Variants in SLC25A12 observed in about 807,000 individuals in gnomAD.
SLC25A12 encodes solute carrier family 25 member 12.
Under a neutral mutation model 83.3 loss-of-function variants are expected in SLC25A12, and 32 were observed. That is an observed-to-expected ratio of 0.38 (90% confidence interval 0.29 to 0.52). The LOEUF (loss-of-function observed/expected upper bound fraction) is 0.52, where lower values mean the gene tolerates loss of function less well. Among genes scored for constraint, SLC25A12 ranks in the 20% least tolerant of loss-of-function variants. The pLI, the probability that SLC25A12 is intolerant of heterozygous loss-of-function variation, is 0.84. For missense variants in SLC25A12, 611 were observed against 835.6 expected (o/e 0.73, Z 3.31); for synonymous variants, 267 against 291.1 (o/e 0.92, Z 0.84).
chr2:171,829,056 G>A (rs1021334072), intron 8 of SLC25A12, among the ~76,000 whole-genome samples: 11 of 152,168 alleles, frequency 7.2e-5, no homozygotes, highest in Non-Finnish European at 1.2e-4. Context: ...AGACCTCTAT[G>A]GGCAACTCTC....
At chr2:171,837,044 C>T in intron 6 of SLC25A12, 77 bp downstream of exon 6, 1 of 1,407,528 alleles carries the variant, frequency 7.1e-7, no homozygotes, top group East Asian at 2.3e-5. Context: ...TCATATGAGT[C>T]CCTGGAGGCA....
intron 15 of SLC25A12, 77 bp downstream of exon 15, chr2:171,791,374 G>T: frequency 8.2e-7 from 1 of 1,215,742 alleles, no homozygotes; most frequent in Non-Finnish European, 1.2e-6. Flanking sequence ...CAGAAATAAA[G>T]GGGGAAAGTA....
At chr2:171,880,610 C>T (rs533932199) in intron 2 of SLC25A12, among the ~76,000 whole-genome samples, 6 of 152,134 alleles carry the variant, frequency 3.9e-5, no homozygotes, top group Non-Finnish European at 8.8e-5. Context: ...GGGTTTGTTA[C>T]AAGGGAATAC....
chr2:171,787,829 G>A lies in SLC25A12; in HGVS notation c.1704C>T (p.Leu568=). 2.5e-6 allele frequency: 4 copies of A among 1,614,188 alleles called. No homozygotes were observed. The highest frequency in any genetic ancestry group is 3.4e-6 in the Non-Finnish European group (4 of 1,180,042). ...SGVIDCFRKI[L]REEGPSAFWK... Reference sequence around the variant, plus strand: ...AAAATGCTGAGGGCCCTTCTTCCCGGAGAATCTTCCTGAAACAGTCGATGA... The same window carrying A: ...AAAATGCTGAGGGCCCTTCTTCCCGAAGAATCTTCCTGAAACAGTCGATGA... The change falls in exon 16 of 18, where the codon CTC becomes CTT. Residue 568 remains leucine (L), a synonymous_variant. Transcript: ENST00000422440.
chr2:171,832,272 G>A (rs1006025931), intron 8 of SLC25A12, among the ~76,000 whole-genome samples: 1 of 152,074 alleles, frequency 6.6e-6, no homozygotes, highest in Non-Finnish European at 1.5e-5. Flanking sequence ...GGTTGCTGGT[G>A]GACACTAAGT....
At position 171,823,860 on chromosome 2, in the gene SLC25A12, T is replaced by C. The variant is rs550136163; in HGVS notation, c.930+2938A>G. On this transcript the variant is annotated intron_variant, in intron 9 of 17. Coordinates refer to ENST00000422440, the MANE Select transcript of SLC25A12 (RefSeq NM_003705.5). ...GTCCCAGCTATTCAGGAGGCTGAGG[T>C]GGAAGGATCACCTGAGCCGGGGAGG... 9.9e-5 allele frequency among the ~76,000 whole-genome samples: 15 copies of C among 150,886 alleles called. No homozygotes were observed. In the South Asian group the frequency reaches 1.5e-3, roughly 15 times the overall value.
At chr2:171,875,007 G>A (rs970017713) in intron 2 of SLC25A12, among the ~76,000 whole-genome samples, 5 of 152,294 alleles carry the variant, frequency 3.3e-5, no homozygotes, top group East Asian at 1.9e-4. Flanking sequence ...CAATCAGACC[G>A]ACTGCAGGCA....
In SLC25A12 at chr2:171,889,130, C is replaced by T. The variant is rs1353718374; in HGVS notation, c.66+4075G>A. 3.9e-5 allele frequency among the ~76,000 whole-genome samples: 6 copies of T among 152,232 alleles called. No individual in the cohort carries two copies. In the East Asian group the frequency reaches 1.2e-3, roughly 29 times the overall value. ...TGGAGATATCACTTATAAATCAGCC[C>T]CTGATCCTCTGCCTTGCTTTATATA... On this transcript the variant is annotated intron_variant, in intron 2 of 17. Coordinates refer to ENST00000422440, the MANE Select transcript of SLC25A12 (RefSeq NM_003705.5).
intron 12 of SLC25A12, 49 bp from the exon 13 acceptor site, chr2:171,809,735 T>C: frequency 7.4e-7 from 1 of 1,351,784 alleles, no homozygotes; most frequent in African/African-American, 1.4e-5. Context: ...ACCATTTCTC[T>C]TCTGGCATAC....
rs181456396 is a variant in SLC25A12 at position 171,810,369 on chromosome 2, C to T, written c.1172-93G>A. ...AAGAGTTTCCCCCATATTATTTACC[C>T]ATCAAACATTGCAGAGTTTTCATTA... On this transcript the variant is annotated intron_variant, in intron 11 of 17. Transcript: ENST00000422440. 3.9e-5 allele frequency: 39 copies of T among 990,892 alleles called. No individual in the cohort carries two copies. In the African/African-American group the frequency reaches 5.9e-4, roughly 15 times the overall value. 61.4% of individuals were successfully genotyped at this position (990,892 alleles called of 1,614,324 possible). A position where few individuals can be genotyped will look rare whatever the true frequency, so the allele number is the denominator to read the frequency against.
At chr2:171,840,451 G>A (rs1293570374) in intron 5 of SLC25A12, among the ~76,000 whole-genome samples, 1 of 151,574 alleles carries the variant, frequency 6.6e-6, no homozygotes, top group Non-Finnish European at 1.5e-5. Context: ...AATAAATGTG[G>A]AGAAAGCAGA....
chr2:171,791,377 G>C, intron 15 of SLC25A12, 74 bp downstream of exon 15: 1 of 1,230,910 alleles, frequency 8.1e-7, no homozygotes, highest in South Asian at 1.2e-5. Context: ...AAATAAAGGG[G>C]GAAAGTACAT....
intron 9 of SLC25A12, among the ~76,000 whole-genome samples, chr2:171,822,759 ACT>A (rs2105874606): frequency 6.6e-6 from 1 of 151,666 alleles, no homozygotes; most frequent in South Asian, 2.1e-4. Context: ...GCTCTTAACT[ACT>A]CTCTCCCTCA....
intron 11 of SLC25A12, 43 bp downstream of exon 11, chr2:171,813,296 A>G: frequency 6.2e-7 from 1 of 1,607,920 alleles, no homozygotes; most frequent in Non-Finnish European, 8.5e-7. Flanking sequence ...GCTGCTGGTG[A>G]GATCAAATCA....
chr2:171,893,077 A>G (rs1685979241), intron 2 of SLC25A12, 128 bp downstream of exon 2: 7 of 724,334 alleles, frequency 9.7e-6, no homozygotes, highest in Admixed American at 5.0e-5. Flanking sequence ...TATAAGCTAT[A>G]TTGTCCGGTC....
At chr2:171,860,338 C>T (rs535995317) in intron 3 of SLC25A12, among the ~76,000 whole-genome samples, 178 of 151,538 alleles carry the variant, frequency 1.2e-3, no homozygotes, top group Middle Eastern at 3.4e-3. Flanking sequence ...CCCAGCACTT[C>T]GGGAGGCTGA....
At chr2:171,846,625 G>A (rs1684802966) in intron 4 of SLC25A12, among the ~76,000 whole-genome samples, 1 of 152,080 alleles carries the variant, frequency 6.6e-6, no homozygotes, top group South Asian at 2.1e-4. Flanking sequence ...GGTCCCCATA[G>A]TGAAACTCCG....
At chr2:171,864,708 C>A (rs976920433) in intron 3 of SLC25A12, among the ~76,000 whole-genome samples, 2 of 152,158 alleles carry the variant, frequency 1.3e-5, no homozygotes, top group Non-Finnish European at 2.9e-5. Flanking sequence ...ACTCATCCTG[C>A]CAGATTTCAC....
chr2:171,827,487 C>T (rs1188797614), intron 8 of SLC25A12, among the ~76,000 whole-genome samples: 1 of 152,052 alleles, frequency 6.6e-6, no homozygotes, highest in Non-Finnish European at 1.5e-5. Context: ...GCCTTCACTT[C>T]AGCCTCCAAT....
Sources: gnomAD v4.1 joint callset for allele counts (sites outside exome capture counted in the v4.1 genomes callset) on GRCh38, gnomAD v4.1.1 for gene constraint, MANE v1.5 for transcripts, NCBI Gene and HGNC (gene_info 2026-07-23, HGNC 2026-07-21) for gene names.